The following LAMA2 variants were observed in gnomAD, a reference collection of about 807,000 sequenced individuals.
The protein encoded by LAMA2 is laminin subunit alpha-2.
Under a neutral mutation model 364.8 loss-of-function variants are expected in LAMA2, and 269 were observed. The ratio of observed to expected loss-of-function variants is 0.74; its 90% confidence interval spans 0.67 to 0.82. The LOEUF is 0.82. LAMA2 is among the 40% of genes least tolerant of loss of function. The pLI, the probability that LAMA2 is intolerant of heterozygous loss-of-function variation, is 0.00. For synonymous variants in LAMA2, 1,379 were observed against 1,370.6 expected, an observed-to-expected ratio of 1.01 and a Z score of -0.14; for missense variants, 3,807 against 3,873.2, an observed-to-expected ratio of 0.98 and a Z score of 0.45.
At chr6:129,353,072 G>A (rs1776943628) in intron 31 of LAMA2, 92 bp from the exon 32 acceptor site, 1 of 928,788 alleles carries the variant, frequency 1.1e-6, no homozygotes, top group Non-Finnish European at 1.7e-6. Flanking sequence ...CTTGCTATCA[G>A]TTTTGTTGCA....
intron 4 of LAMA2, among the ~76,000 whole-genome samples, chr6:129,098,945 G>A (rs189833573): frequency 1.1e-4 from 16 of 152,248 alleles, no homozygotes; most frequent in Non-Finnish European, 1.8e-4. Context: ...GAAGTCTTAG[G>A]TTCTCAGTGA....
At chr6:129,207,822 G>A (rs952133571) in intron 12 of LAMA2, among the ~76,000 whole-genome samples, 1 of 151,862 alleles carries the variant, frequency 6.6e-6, no homozygotes, top group Non-Finnish European at 1.5e-5. Context: ...GAAAGTTCAC[G>A]AAGTTATTAC....
chr6:129,270,564 T>A (rs1386614422), intron 16 of LAMA2, 60 bp from the exon 17 acceptor site: 2 of 1,588,506 alleles, frequency 1.3e-6, no homozygotes, highest in African/African-American at 2.7e-5. Flanking sequence ...GACCTATTTT[T>A]GGCAACATGT....
intron 5 of LAMA2, among the ~76,000 whole-genome samples, chr6:129,145,879 A>C (rs1352259000): frequency 6.6e-6 from 1 of 152,104 alleles, no homozygotes; most frequent in African/African-American, 2.4e-5. Flanking sequence ...CTACTGTATC[A>C]GCTTTTTAAG....
intron 47 of LAMA2, among the ~76,000 whole-genome samples, chr6:129,455,046 G>C (rs1430113023): frequency 6.6e-6 from 1 of 152,054 alleles, no homozygotes; most frequent in African/African-American, 2.4e-5. Flanking sequence ...GCTGTTTGTA[G>C]ATACTTAATT....
At chr6:129,122,417 A>G (rs995027422) in intron 4 of LAMA2, among the ~76,000 whole-genome samples, 5 of 152,204 alleles carry the variant, frequency 3.3e-5, no homozygotes, top group Non-Finnish European at 1.5e-5. Flanking sequence ...TCTTACCGAT[A>G]CTTAGAGTCC....
intron 39 of LAMA2, among the ~76,000 whole-genome samples, chr6:129,403,461 G>A (rs1780083679): frequency 6.6e-6 from 1 of 152,126 alleles, no homozygotes; most frequent in South Asian, 2.1e-4. Flanking sequence ...AAGATTTTGT[G>A]AAATTAATTC....
At chr6:129,337,108 C>G (rs976102995) in intron 29 of LAMA2, among the ~76,000 whole-genome samples, 2 of 152,114 alleles carry the variant, frequency 1.3e-5, no homozygotes, top group African/African-American at 4.8e-5. Flanking sequence ...AATATGAAGA[C>G]TGCATGGGTC....
chr6:129,481,171 C>T, intron 54 of LAMA2, 92 bp from the exon 55 acceptor site: 4 of 945,154 alleles, frequency 4.2e-6, no homozygotes, highest in South Asian at 1.3e-5. Context: ...TTCATAATCA[C>T]ATTAATTGCA....
At chr6:128,904,644 G>A (rs4243497) in intron 1 of LAMA2, among the ~76,000 whole-genome samples, 128,206 of 151,698 alleles carry the variant, frequency 0.85, 54,330 homozygotes, top group South Asian at 0.92. Flanking sequence ...TTTTTAGTAG[G>A]GATGGGGTTT....
chr6:129,064,809 G>C (rs913022530), intron 3 of LAMA2, among the ~76,000 whole-genome samples: 3 of 152,124 alleles, frequency 2.0e-5, no homozygotes, highest in Non-Finnish European at 2.9e-5. Context: ...GAACCTGATG[G>C]TTTTACTGCT....
intron 40 of LAMA2, among the ~76,000 whole-genome samples, chr6:129,409,433 T>G (rs1161349292): frequency 2.0e-5 from 3 of 152,204 alleles, no homozygotes; most frequent in Non-Finnish European, 4.4e-5. Context: ...GGCTCGAGCC[T>G]GATCATGTAT....
At chr6:129,008,277 A>T (rs192609446) in intron 1 of LAMA2, among the ~76,000 whole-genome samples, 14 of 152,050 alleles carry the variant, frequency 9.2e-5, no homozygotes, top group African/African-American at 2.9e-4. Context: ...TCTTAAGATT[A>T]CTCCTTTGGG....
At chr6:129,013,920 G>T (rs1196833659) in intron 1 of LAMA2, among the ~76,000 whole-genome samples, 2 of 152,132 alleles carry the variant, frequency 1.3e-5, no homozygotes, top group African/African-American at 4.8e-5. Flanking sequence ...GGAAAAAGCA[G>T]ACATGTGTGG....
At chr6:129,450,333 G>A (rs1782613262) in intron 45 of LAMA2, among the ~76,000 whole-genome samples, 1 of 132,350 alleles carries the variant, frequency 7.6e-6, no homozygotes, top group Admixed American at 7.6e-5. Context: ...GTTTTGTTTT[G>A]TTTTGACATG....
intron 51 of LAMA2, among the ~76,000 whole-genome samples, chr6:129,469,703 G>A (rs1472861190): frequency 2.2e-4 from 33 of 151,498 alleles, no homozygotes; most frequent in Non-Finnish European, 1.5e-5. Context: ...CATATCCATC[G>A]ACAGGTAAAT....
chr6:129,239,616 C>T (rs1038625822), intron 12 of LAMA2, among the ~76,000 whole-genome samples: 2 of 152,164 alleles, frequency 1.3e-5, no homozygotes, highest in Admixed American at 6.5e-5. Flanking sequence ...GATCTCTACT[C>T]ATGTATCTTC....
rs182774318 is a variant in LAMA2, at chr6:129,332,050, G to A, written c.4311+3638G>A. The stretch of plus-strand genomic sequence containing the variant: ...GTATTCCTGGGACTCAATCCTTGGA[G>A]CAATTTGTTTCTCTAACTACATTCA... On this transcript the variant is annotated intron_variant, in intron 29 of 64. Transcript: ENST00000421865. 6.6e-5 allele frequency among the ~76,000 whole-genome samples: 10 copies of A among 152,260 alleles called. 1 individual carries two copies. In the South Asian group the frequency reaches 2.1e-3, roughly 32 times the overall value.
chr6:128,889,346 A>G (rs1206684994), intron 1 of LAMA2, among the ~76,000 whole-genome samples: 3 of 152,170 alleles, frequency 2.0e-5, no homozygotes, highest in Non-Finnish European at 2.9e-5. Flanking sequence ...CTTTTATGAT[A>G]TGAAATTTGA....
Sources: allele counts gnomAD v4.1 joint callset (sites outside exome capture counted in the v4.1 genomes callset), GRCh38; gene constraint gnomAD v4.1.1; transcripts MANE v1.5; gene names NCBI Gene and HGNC (gene_info 2026-07-23, HGNC 2026-07-21).